Variants in RNF38 observed in about 807,000 individuals in gnomAD.
RNF38 encodes the protein ring finger protein 38, also known as E3 ubiquitin-protein ligase RNF38.
RNF38 carries 15 observed loss-of-function variants against 67.2 expected under a neutral mutation model. The observed-to-expected ratio is 0.22, with a 90% CI of 0.15 to 0.34. The LOEUF (loss-of-function observed/expected upper bound fraction) is 0.34. RNF38 is among the 10% of genes least tolerant of loss of function. The pLI, the probability that RNF38 is intolerant of heterozygous loss-of-function variation, is 1.00. For synonymous variants in RNF38, 220 were observed against 218.8 expected, an observed-to-expected ratio of 1.01 and a Z score of -0.05; for missense variants, 524 against 639.9, an observed-to-expected ratio of 0.82 and a Z score of 1.95.
At chr9:36,483,762 G>A (rs529878976) in intron 1 of RNF38, among the ~76,000 whole-genome samples, 2 of 152,266 alleles carry the variant, frequency 1.3e-5, no homozygotes, top group South Asian at 4.2e-4. Context: ...GTTTACCTTT[G>A]GGGGTTTTAC....
At position 36,482,048 on chromosome 9, in the gene RNF38, C is replaced by CTTT. The variant is rs767211095; in HGVS notation, n.241+5257_241+5259dup. ...TCCTCCATTTACCAGATACTTTTGTCTTTTTTTTTTTTTTTTTTTTTTGAG... is the reference window on the plus strand; with the variant it reads ...TCCTCCATTTACCAGATACTTTTGTCTTTTTTTTTTTTTTTTTTTTTTTTTGAG... On this transcript the variant is annotated intron_variant and non_coding_transcript_variant, in intron 1 of 3. Transcript: ENST00000488058. Among the ~76,000 whole-genome samples the CTTT allele has an allele frequency of 1.4e-3, 167 of 119,252 alleles. 1 individual carries two copies. The highest frequency in any genetic ancestry group is 2.1e-3 in the Non-Finnish European group (122 of 58,258). 78.2% of individuals were successfully genotyped at this position (119,252 alleles called of 152,430 possible). A position where few individuals can be genotyped will look rare whatever the true frequency, so the allele number is the denominator to read the frequency against.
chr9:36,476,267 C>T (rs1009405961), intron 1 of RNF38, among the ~76,000 whole-genome samples: 1 of 151,910 alleles, frequency 6.6e-6, no homozygotes, highest in East Asian at 1.9e-4. Context: ...TACAGGCACC[C>T]GCCATCATGC....
At chr9:36,456,864 G>C (rs751550160) in intron 1 of RNF38, among the ~76,000 whole-genome samples, 3 of 152,084 alleles carry the variant, frequency 2.0e-5, no homozygotes, top group Non-Finnish European at 4.4e-5. Context: ...TAAGATATGA[G>C]AACTTTAATA....
intron 2 of RNF38, among the ~76,000 whole-genome samples, chr9:36,417,102 T>G (rs1199661797): frequency 6.6e-6 from 1 of 152,132 alleles, no homozygotes; most frequent in Non-Finnish European, 1.5e-5. Context: ...TCTAAATTCG[T>G]ATCAGCTCCA....
At chr9:36,369,698 C>A in intron 4 of RNF38, 21 bp downstream of exon 4, 1 of 1,528,976 alleles carries the variant, frequency 6.5e-7, no homozygotes, top group Non-Finnish European at 8.8e-7. Flanking sequence ...TCTGTATTTC[C>A]AAGACATTCT....
At chr9:36,400,838 C>A (rs1837966944), upstream of RNF38, 1 of 982,666 alleles carries the variant, frequency 1.0e-6, no homozygotes, top group African/African-American at 1.8e-5. Flanking sequence ...CACGCCCCAA[C>A]CGACCGGGCC....
At chr9:36,473,911 G>A (rs1840059620) in intron 1 of RNF38, among the ~76,000 whole-genome samples, 2 of 150,926 alleles carry the variant, frequency 1.3e-5, no homozygotes, top group African/African-American at 2.4e-5. Context: ...GCTTGAACCT[G>A]GGAGGCGGAC....
chr9:36,459,389 C>T (rs540992540), intron 1 of RNF38, among the ~76,000 whole-genome samples: 26 of 152,218 alleles, frequency 1.7e-4, no homozygotes, highest in Admixed American at 4.6e-4. Context: ...ATTCAGTAAC[C>T]TGTGTTAAGG....
At chr9:36,366,169 C>A (rs1411157016) in intron 4 of RNF38, among the ~76,000 whole-genome samples, 3 of 152,010 alleles carry the variant, frequency 2.0e-5, no homozygotes, top group Admixed American at 1.3e-4. Context: ...AAGCAAATCC[C>A]AGGACCCTAT....
At chr9:36,431,247 G>A (rs1435430635) in intron 1 of RNF38, among the ~76,000 whole-genome samples, 2 of 152,114 alleles carry the variant, frequency 1.3e-5, no homozygotes, top group African/African-American at 2.4e-5. Context: ...TAACTGAATC[G>A]TTGTGCGAAC....
At chr9:36,446,810 GAAAAAAAAAAAAAAAA>G (rs60691553) in intron 1 of RNF38, among the ~76,000 whole-genome samples, 25 of 28,214 alleles carry the variant, frequency 8.9e-4, no homozygotes, top group African/African-American at 2.5e-3. Flanking sequence ...TCCGCCTCAA[GAAAAAAAAAAAAAAAA>G]AAAAAAAAAA....
intron 1 of RNF38, among the ~76,000 whole-genome samples, chr9:36,428,632 G>A (rs1587121314): frequency 6.6e-6 from 1 of 152,094 alleles, no homozygotes; most frequent in East Asian, 1.9e-4. Context: ...AAGACTTTGA[G>A]TAACAGCATT....
intron 9 of RNF38, among the ~76,000 whole-genome samples, chr9:36,345,631 A>G (rs1296128558): frequency 6.6e-6 from 1 of 152,208 alleles, no homozygotes. Context: ...ATATAACCAC[A>G]ATGACATCAT....
chr9:36,400,503 C>T (rs1307905791), upstream of RNF38: 1 of 999,642 alleles, frequency 1.0e-6, no homozygotes, highest in East Asian at 1.0e-4. Context: ...CTCAACGGCC[C>T]GCAGCCCGTC....
chr9:36,358,031 C>T, intron 4 of RNF38, 89 bp from the exon 5 acceptor site: 3 of 1,007,028 alleles, frequency 3.0e-6, no homozygotes, highest in Non-Finnish European at 4.5e-6. Context: ...TTATTGGCTC[C>T]TCTCTCAGCT....
intron 1 of RNF38, among the ~76,000 whole-genome samples, chr9:36,454,746 C>A (rs916810582): frequency 2.0e-5 from 3 of 151,474 alleles, no homozygotes; most frequent in African/African-American, 7.3e-5. Context: ...CCAGGACTGG[C>A]TAATTTTCTA....
intron 1 of RNF38, among the ~76,000 whole-genome samples, chr9:36,467,763 C>T (rs184419976): frequency 6.6e-5 from 10 of 152,274 alleles, no homozygotes; most frequent in Non-Finnish European, 1.3e-4. Flanking sequence ...CTGTTACCAC[C>T]TCTGGGATTA....
rs1024453818 is a variant in RNF38, at chr9:36,338,092, T to A, written c.*1660A>T. ...GGCAGCAAGTTATCACAGTCCTGACTGGAATAATGCAGCTTGTGCTATTGC... is the reference window on the plus strand; with the variant it reads ...GGCAGCAAGTTATCACAGTCCTGACAGGAATAATGCAGCTTGTGCTATTGC... On this transcript the variant is annotated 3_prime_UTR_variant, in exon 12 of 12. Transcript: ENST00000259605. The A allele has an allele frequency of 6.6e-6, 1 of 152,614 alleles. No homozygotes were observed. Among genetic ancestry groups the A allele is most frequent in the East Asian group, 1.9e-4 (1 of 5,200 alleles). 9.5% of individuals were successfully genotyped at this position (152,614 alleles called of 1,614,324 possible). A position where few individuals can be genotyped will look rare whatever the true frequency, so the allele number is the denominator to read the frequency against.
Position 36,407,561 on chromosome 9 carries a change from T to C in RNF38, n.313-16945A>G, listed in dbSNP as rs936166919. On this transcript the variant is annotated intron_variant and non_coding_transcript_variant, in intron 2 of 3. Coordinates refer to the RNF38 transcript ENST00000488058. ...GAGACCCAAGGGCACAAATAAAGCA[T>C]ACACTGCACATCACAGCATATTCAA... 4.6e-5 allele frequency among the ~76,000 whole-genome samples: 7 copies of C among 152,152 alleles called. 1 individual carries two copies. Among genetic ancestry groups the C allele is most frequent in the Non-Finnish European group, 1.0e-4 (7 of 68,012 alleles).
Sources: gnomAD v4.1 joint callset for allele counts (sites outside exome capture counted in the v4.1 genomes callset) on GRCh38, gnomAD v4.1.1 for gene constraint, MANE v1.5 for transcripts, NCBI Gene and HGNC (gene_info 2026-07-23, HGNC 2026-07-21) for gene names.